The following AHNAK variants were observed in gnomAD, a reference collection of about 807,000 sequenced individuals.
AHNAK encodes the protein AHNAK nucleoprotein.
Under a neutral mutation model 37.8 loss-of-function variants are expected in AHNAK, and 23 were observed. The ratio of observed to expected loss-of-function variants is 0.61; its 90% CI spans 0.44 to 0.86. AHNAK has a LOEUF of 0.86. AHNAK is among the 40% of genes least tolerant of loss of function. The probability of loss-of-function intolerance (pLI) is 0.00; values close to 1 mark genes in which losing one functional copy is unlikely to be tolerated. For missense variants in AHNAK, 7,411 were observed against 7,319.4 expected (o/e 1.01, Z -0.46); for synonymous variants, 2,481 against 2,636.3 (o/e 0.94, Z 1.80).
intron 4 of AHNAK, among the ~76,000 whole-genome samples, chr11:62,495,152 G>A (rs919817170): frequency 6.6e-6 from 1 of 152,030 alleles, no homozygotes. Context: ...AGGTGACAGA[G>A]TGAGACCACC....
chr11:62,524,411 C>A lies in AHNAK; in HGVS notation c.10006G>T (p.Val3336Phe), dbSNP rs772113273. 6 of 1,612,068 alleles carry A rather than the reference C, an allele frequency of 3.7e-6. No homozygotes were observed. The highest frequency in any genetic ancestry group is 4.2e-6 in the Non-Finnish European group (5 of 1,179,450). Residue 3336 changes from valine to phenylalanine, a missense_variant, in exon 5 of 5, where the codon GTT becomes TTT. Physicochemically the swap from Val to Phe is conservative, Grantham distance 50. Coordinates refer to ENST00000378024, the MANE Select transcript of AHNAK (RefSeq NM_001620.3). ...TCGATATTAAGCTTAGGACCGGAAA[C>A]GTCCACTTCTGGGCCCTTTATATCC... is the stretch of plus-strand genomic sequence containing the variant. Reference protein sequence around the residue: ...SLDIKGPEVDVSGPKLNIEGK... With the variant: ...SLDIKGPEVDFSGPKLNIEGK...
chr11:62,451,808 A>ATTTT (rs1163318132), intron 5 of AHNAK, among the ~76,000 whole-genome samples: 1 of 135,632 alleles, frequency 7.4e-6, no homozygotes, highest in Admixed American at 7.4e-5. Flanking sequence ...TAGCAAACTA[A>ATTTT]TTTTTTTTTT....
rs114356698 is a variant in AHNAK, at chr11:62,452,344, C to T, written c.443-18453G>A. Reference sequence around the variant, plus strand: ...CACCCAGTCAGTGAGAAAGCCAGAACTGGATGCAGGCCGTCCCGCTCTGGA... The same window carrying T: ...CACCCAGTCAGTGAGAAAGCCAGAATTGGATGCAGGCCGTCCCGCTCTGGA... On this transcript the variant is annotated intron_variant, in intron 5 of 5. Transcript: ENST00000257247. Among the ~76,000 whole-genome samples, 1,317 of 152,298 alleles carry T rather than the reference C, an allele frequency of 8.6e-3. 19 individuals carry two copies. The highest frequency in any genetic ancestry group is 0.03 in the African/African-American group (1,259 of 41,570).
intron 1 of AHNAK, among the ~76,000 whole-genome samples, chr11:62,544,321 G>A (rs1475575436): frequency 1.3e-5 from 2 of 152,258 alleles, no homozygotes; most frequent in Admixed American, 6.5e-5. Context: ...CCTCAGCTCC[G>A]AGGGGTTGGC....
chr11:62,504,513 T>C (rs997312537), intron 4 of AHNAK, among the ~76,000 whole-genome samples: 2 of 152,144 alleles, frequency 1.3e-5, no homozygotes, highest in East Asian at 3.9e-4. Flanking sequence ...GAACTTGCAA[T>C]CTTACAAATA....
Position 62,528,931 on chromosome 11 carries a change from A to T in AHNAK, c.5486T>A (p.Val1829Asp), listed in dbSNP as rs1402509636. Residue 1829 changes from valine (V) to aspartate (D), a missense_variant, in exon 5 of 5, where the codon GTT becomes GAT. Transcript: ENST00000378024. ...GPFVEAEVPD[V>D]DLECPDAKLK... ...CTTTGCATCAGGACACTCCAGATCA[A>T]CATCGGGCACCTCCGCTTCCACAAA... The T allele has an allele frequency of 2.5e-6, 4 of 1,614,058 alleles. No homozygotes were observed. The highest frequency in any genetic ancestry group is 2.5e-6 in the Non-Finnish European group (3 of 1,180,052).
Position 62,519,694 on chromosome 11 carries a change from G to A in AHNAK, c.14723C>T (p.Ser4908Leu), listed in dbSNP as rs146517943. The change falls in exon 5 of 5, where the codon TCG (serine) becomes TTG (leucine). Residue 4908 changes from serine (S) to leucine (L), a missense_variant. Coordinates refer to ENST00000378024, the MANE Select transcript of AHNAK (RefSeq NM_001620.3). ...KLSGPSLKMP[S>L]LEISAPKVTA... ...TACTTTAGGAGCAGATATCTCCAGC[G>A]ATGGCATCTTCAAAGATGGGCCACT... 281 of 1,613,896 alleles carry A rather than the reference G, an allele frequency of 1.7e-4. No individual in the cohort carries two copies. The highest frequency in any genetic ancestry group is 2.2e-4 in the Non-Finnish European group (261 of 1,180,002).
At chr11:62,512,858 A>AGAAG (rs1197845108), downstream of AHNAK, among the ~76,000 whole-genome samples, 2 of 133,964 alleles carry the variant, frequency 1.5e-5, no homozygotes, top group African/African-American at 5.5e-5. This position sits in a 1 kb window ranked among gnomAD's most constrained non-coding sequence, Gnocchi z 4.0. Flanking sequence ...CCTGTTAGGA[A>AGAAG]GAAGGAAGGA....
intron 4 of AHNAK, among the ~76,000 whole-genome samples, chr11:62,496,743 C>T (rs1268479348): frequency 3.3e-5 from 5 of 151,552 alleles, no homozygotes; most frequent in African/African-American, 7.3e-5. Flanking sequence ...TGCAGTGAGC[C>T]GAGATCGCAT....
chr11:62,517,718 TG>T lies in AHNAK; in HGVS notation c.16698del (p.Gly5568GlufsTer21). 6.2e-7 allele frequency: 1 copy of T among 1,614,208 alleles called. No homozygotes were observed. The highest frequency in any genetic ancestry group is 8.5e-7 in the Non-Finnish European group (1 of 1,180,038). ...DFGINLKGPK[I>X]KGGADVSGGV... is the part of the protein sequence containing the mutation. ...CCCCCTGAAACATCCGCACCTCCTT[TG>T]ATTTTTGGGCCCTTCAAGTTGATGC... On this transcript the variant is annotated frameshift_variant, in exon 5 of 5. Transcript: ENST00000378024. LOFTEE classifies it high-confidence loss of function.
At chr11:62,503,678 T>C (rs1043568027) in intron 4 of AHNAK, among the ~76,000 whole-genome samples, 1 of 152,086 alleles carries the variant, frequency 6.6e-6, no homozygotes, top group African/African-American at 2.4e-5. Context: ...GGACTCACCA[T>C]CCAGTGGCAA....
intron 1 of AHNAK, among the ~76,000 whole-genome samples, chr11:62,544,668 C>T (rs1020116875): frequency 3.3e-5 from 5 of 152,070 alleles, no homozygotes; most frequent in African/African-American, 1.2e-4. Flanking sequence ...ACTATCCACG[C>T]GGTGGGGGGT....
At chr11:62,511,248 T>G (rs1253169825), downstream of AHNAK, among the ~76,000 whole-genome samples, 1 of 152,032 alleles carries the variant, frequency 6.6e-6, no homozygotes, top group African/African-American at 2.4e-5. Flanking sequence ...TTTGTTTTTT[T>G]TTTTTTGCTT....
rs368707493 is a variant in AHNAK at position 62,532,642 on chromosome 11, G to A, written c.1775C>T (p.Pro592Leu). The change falls in exon 5 of 5, where the codon CCC becomes CTC. Residue 592 changes from proline (P) to leucine (L), a missense_variant. Coordinates refer to ENST00000378024, the MANE Select transcript of AHNAK (RefSeq NM_001620.3). ...KVKGGVDVTL[P>L]RVEGKVKVPE... is the part of the protein sequence containing the mutation. Reference sequence around the variant, plus strand: ...GACTTTGACTTTCCCTTCTACTCTGGGGAGTGTGACATCTACACCCCCTTT... The same window carrying A: ...GACTTTGACTTTCCCTTCTACTCTGAGGAGTGTGACATCTACACCCCCTTT... The A allele has an allele frequency of 2.5e-5, 40 of 1,613,000 alleles. No individual in the cohort carries two copies. The highest frequency in any genetic ancestry group is 2.0e-5 in the Non-Finnish European group (24 of 1,179,716).
rs770144896 is a variant in AHNAK at position 62,522,926 on chromosome 11, C to G, written c.11491G>C (p.Ala3831Pro). ...GPDVDVNLPK[A>P]DLDVSGPKVD... ...TTGGGTCCTGAGACATCAAGGTCAG[C>G]CTTGGGCAGGTTCACATCCACATCT... The change falls in exon 5 of 5, where the codon GCT (alanine) becomes CCT (proline). Residue 3831 changes from alanine to proline, a missense_variant. Physicochemically the swap from Ala to Pro is conservative, Grantham distance 27. Transcript: ENST00000378024. The G allele has an allele frequency of 6.2e-7, 1 of 1,613,190 alleles. No homozygotes were observed. Among genetic ancestry groups the G allele is most frequent in the Non-Finnish European group, 8.5e-7 (1 of 1,179,916 alleles).
intron 4 of AHNAK, among the ~76,000 whole-genome samples, chr11:62,492,849 G>GT (rs1939526981): frequency 6.9e-6 from 1 of 145,944 alleles, no homozygotes; most frequent in African/African-American, 2.8e-5. Flanking sequence ...CTGCACTCCA[G>GT]CCGGGGCGAC....
chr11:62,544,357 C>T (rs983256059), intron 1 of AHNAK, among the ~76,000 whole-genome samples: 5 of 152,112 alleles, frequency 3.3e-5, no homozygotes, highest in Admixed American at 6.5e-5. Context: ...CGGACCAGGA[C>T]CCCTGAATCG....
At chr11:62,442,298 C>T (rs560004072) in intron 5 of AHNAK, among the ~76,000 whole-genome samples, 2 of 152,234 alleles carry the variant, frequency 1.3e-5, no homozygotes, top group African/African-American at 4.8e-5. Flanking sequence ...GTAATCCCAG[C>T]GCTTTGTGGG....
rs769268346 is a variant in AHNAK at position 62,533,564 on chromosome 11, C to T, written c.853G>A (p.Gly285Arg). The change falls in exon 5 of 5, where the codon GGG (glycine) becomes AGG (arginine). Residue 285 changes from glycine to arginine, a missense_variant. Coordinates refer to ENST00000378024, the MANE Select transcript of AHNAK (RefSeq NM_001620.3). ...CCCTGTACCTCTACTGCCCTACCCC[C>T]AAGAGAAGATGAAATGTCCACTGCT... ...VPAVDISSSLGGRAVEVQGPS... is the reference protein window; with the variant it reads ...VPAVDISSSLRGRAVEVQGPS... 3.7e-6 allele frequency: 6 copies of T among 1,614,142 alleles called. No individual in the cohort carries two copies. The South Asian group carries it at 6.6e-5, about 18-fold the overall frequency.
Sources: allele counts gnomAD v4.1 joint callset (sites outside exome capture counted in the v4.1 genomes callset), GRCh38; gene constraint gnomAD v4.1.1; non-coding constraint Gnocchi (gnomAD v3.1); transcripts MANE v1.5; gene names NCBI Gene and HGNC (gene_info 2026-07-23, HGNC 2026-07-21).